SULT2B1: variants seen among roughly 807,000 people sequenced by gnomAD.
The protein encoded by SULT2B1 is sulfotransferase family 2B member 1, also known as sulfotransferase 2B1.
Under a neutral mutation model 33.2 loss-of-function variants are expected in SULT2B1, and 16 were observed. The observed-to-expected ratio is 0.48, with a 90% confidence interval of 0.33 to 0.73. SULT2B1 has a LOEUF of 0.73. SULT2B1 is among the 30% of genes least tolerant of loss of function. The probability of loss-of-function intolerance (pLI) is 0.02; values close to 1 mark genes in which losing one functional copy is unlikely to be tolerated. For synonymous variants in SULT2B1, 186 were observed against 200.5 expected (o/e 0.93, Z 0.61); for missense variants, 500 against 506.0 (o/e 0.99, Z 0.11).
intron 2 of SULT2B1, among the ~76,000 whole-genome samples, chr19:48,583,540 G>A (rs10422717): frequency 0.23 from 34,358 of 152,164 alleles, 5,020 homozygotes; most frequent in African/African-American, 0.42. Context: ...AAATTCGTCC[G>A]GGTGCAGTGG....
chr19:48,591,611 G>T lies in SULT2B1; in HGVS notation c.426G>T (p.Val142=). ...CTCTCCTCACCATCCGCACACAGGT[G>T]ATCTACATGGGCCGCAACCCCCGGG... ...TKAFFSSKAK[V]IYMGRNPRDV... The change falls in exon 4 of 7, where the codon GTG becomes GTT. Residue 142 remains valine, a splice_region_variant and synonymous_variant. Coordinates refer to ENST00000201586, the MANE Select transcript of SULT2B1 (RefSeq NM_177973.2). 6.2e-7 allele frequency: 1 copy of T among 1,611,918 alleles called. No homozygotes were observed. Among genetic ancestry groups the T allele is most frequent in the Non-Finnish European group, 8.5e-7 (1 of 1,178,636 alleles).
intron 5 of SULT2B1, among the ~76,000 whole-genome samples, chr19:48,594,370 G>T (rs1045192257): frequency 1.8e-4 from 27 of 152,308 alleles, no homozygotes; most frequent in African/African-American, 5.8e-4. Flanking sequence ...TTAAGAGAGG[G>T]TTGATAATTT....
Position 48,599,306 on chromosome 19 carries a change from T to A in SULT2B1, c.998T>A (p.Leu333His). ...CCTGAGCCTGAGCCCAAGCCCAGCC[T>A]TGAGCCCAACACCAGCCTGGAGCGT... ...PSPEPEPKPS[L>H]EPNTSLEREP... The change falls in exon 7 of 7, where the codon CTT becomes CAT. Residue 333 changes from leucine to histidine, a missense_variant. Physicochemically the swap from Leu to His is moderately conservative, Grantham distance 99. Transcript: ENST00000201586. The surrounding 1 kb of genome is among the most constrained non-coding windows in gnomAD (Gnocchi z 4.1). 1.2e-6 allele frequency: 2 copies of A among 1,609,066 alleles called. No individual in the cohort carries two copies. The highest frequency in any genetic ancestry group is 8.5e-7 in the Non-Finnish European group (1 of 1,178,010).
chr19:48,562,386 C>CAA (rs752412445), intron 1 of SULT2B1, among the ~76,000 whole-genome samples: 5 of 132,770 alleles, frequency 3.8e-5, no homozygotes, highest in African/African-American at 1.4e-4. Flanking sequence ...AACTCTGTCT[C>CAA]AAAAAAAAAA....
chr19:48,563,332 G>A (rs988433357), intron 1 of SULT2B1, among the ~76,000 whole-genome samples: 5 of 152,180 alleles, frequency 3.3e-5, no homozygotes, highest in South Asian at 2.1e-4. Flanking sequence ...TGAGAACGCC[G>A]GTTCCCACAA....
rs543636984 is a variant in SULT2B1, at chr19:48,552,222, G to T, written c.-31G>T. On this transcript the variant is annotated 5_prime_UTR_variant, in exon 1 of 7. Coordinates refer to ENST00000201586, the MANE Select transcript of SULT2B1 (RefSeq NM_177973.2). This position sits in a 1 kb window ranked among gnomAD's most constrained non-coding sequence, Gnocchi z 4.8. ...CCTCTGTGCCGCCTGCTCCCTGCTC[G>T]TCCTCCCCTCCCCACCCTCACCCAC... 6.2e-7 allele frequency: 1 copy of T among 1,609,968 alleles called. No individual in the cohort carries two copies. Among genetic ancestry groups the T allele is most frequent in the Non-Finnish European group, 8.5e-7 (1 of 1,177,754 alleles).
chr19:48,573,965 A>T lies in SULT2B1; in HGVS notation c.72-1976A>T, dbSNP rs557447809. ...CAGCCTCAAACTCCTGGCTCAATTG[A>T]TCCTCCCGCCTCAGACTCCCAAGTA... is the stretch of plus-strand genomic sequence containing the variant. On this transcript the variant is annotated intron_variant, in intron 1 of 6. Coordinates refer to ENST00000201586, the MANE Select transcript of SULT2B1 (RefSeq NM_177973.2). Among the ~76,000 whole-genome samples the T allele has an allele frequency of 1.5e-3, 229 of 152,066 alleles. 2 individuals carry two copies. Among genetic ancestry groups the T allele is most frequent in the Non-Finnish European group, 1.7e-3 (114 of 67,986 alleles).
intron 1 of SULT2B1, among the ~76,000 whole-genome samples, chr19:48,567,649 C>A (rs1180784268): frequency 6.6e-6 from 1 of 152,010 alleles, no homozygotes; most frequent in Non-Finnish European, 1.5e-5. Flanking sequence ...CTTCCCAGCT[C>A]TCCTGCTAGT....
chr19:48,599,318 C>T lies in SULT2B1; in HGVS notation c.1010C>T (p.Thr337Ile), dbSNP rs780001419. ...CCCAAGCCCAGCCTTGAGCCCAACA[C>T]CAGCCTGGAGCGTGAGCCCAGACCC... ...PEPKPSLEPNTSLEREPRPNS... is the reference protein window; with the variant it reads ...PEPKPSLEPNISLEREPRPNS... The change falls in exon 7 of 7, where the codon ACC (threonine) becomes ATC (isoleucine). Residue 337 changes from threonine (T) to isoleucine (I), a missense_variant. Coordinates refer to ENST00000201586, the MANE Select transcript of SULT2B1 (RefSeq NM_177973.2). This position sits in a 1 kb window ranked among gnomAD's most constrained non-coding sequence, Gnocchi z 4.1. The T allele has an allele frequency of 6.8e-6, 11 of 1,606,510 alleles. 1 individual carries two copies. The highest frequency in any genetic ancestry group is 1.6e-4 in the Middle Eastern group (1 of 6,076).
At chr19:48,559,632 A>G (rs1293578128) in intron 1 of SULT2B1, among the ~76,000 whole-genome samples, 1 of 152,234 alleles carries the variant, frequency 6.6e-6, no homozygotes, top group Admixed American at 6.5e-5. Context: ...TTTGCCACCC[A>G]GAGGGTCTGG....
At chr19:48,554,066 T>C (rs145571527) in intron 1 of SULT2B1, among the ~76,000 whole-genome samples, 2,264 of 152,182 alleles carry the variant, frequency 0.015, 53 homozygotes, top group African/African-American at 0.052. Flanking sequence ...ACTGACCCTC[T>C]GCGAAGCTCG....
intron 2 of SULT2B1, among the ~76,000 whole-genome samples, chr19:48,584,044 G>A (rs1165536894): frequency 6.6e-6 from 1 of 152,038 alleles, no homozygotes; most frequent in Non-Finnish European, 1.5e-5. Flanking sequence ...CCCGGGAGGT[G>A]GAGGTTGCAG....
At chr19:48,593,696 A>G (rs371617386) in intron 5 of SULT2B1, among the ~76,000 whole-genome samples, 265 of 151,218 alleles carry the variant, frequency 1.8e-3, no homozygotes, top group South Asian at 3.4e-3. Flanking sequence ...GTGCAATGGC[A>G]TGATCTCGGC....
intron 2 of SULT2B1, among the ~76,000 whole-genome samples, chr19:48,584,424 A>C (rs888765576): frequency 5.9e-5 from 9 of 152,182 alleles, no homozygotes; most frequent in African/African-American, 2.2e-4. Flanking sequence ...GAGAATCAGG[A>C]AGAGCCCCAT....
At chr19:48,564,582 A>G (rs1973222348) in intron 1 of SULT2B1, among the ~76,000 whole-genome samples, 3 of 151,304 alleles carry the variant, frequency 2.0e-5, no homozygotes, top group South Asian at 4.2e-4. Context: ...AAAAGAAAGA[A>G]AAAAAGAGGA....
In SULT2B1 at chr19:48,552,989, C is replaced by T. The variant is rs535198630; in HGVS notation, c.71+666C>T. On this transcript the variant is annotated intron_variant, in intron 1 of 6. Coordinates refer to ENST00000201586, the MANE Select transcript of SULT2B1 (RefSeq NM_177973.2). This position sits in a 1 kb window ranked among gnomAD's most constrained non-coding sequence, Gnocchi z 4.8. ...AGGGAACGCGACATGACCGCAATTA[C>T]GCAGCTAGAAGCAAATCTGAACCCG... 2.0e-5 allele frequency among the ~76,000 whole-genome samples: 3 copies of T among 152,130 alleles called. No individual in the cohort carries two copies. The highest frequency in any genetic ancestry group is 6.5e-5 in the Admixed American group (1 of 15,270).
At chr19:48,599,425 C>T, downstream of SULT2B1, 1 of 1,547,880 alleles carries the variant, frequency 6.5e-7, no homozygotes, top group Non-Finnish European at 8.7e-7. The surrounding 1 kb of genome is among the most constrained non-coding windows in gnomAD (Gnocchi z 4.1). Context: ...TCGATTCTGT[C>T]CAGGTTCCTT....
chr19:48,588,209 CAAA>C, intron 3 of SULT2B1, among the ~76,000 whole-genome samples: 1 of 116,072 alleles, frequency 8.6e-6, no homozygotes. Context: ...GATTTCATCT[CAAA>C]AAAAAAAAAA....
intron 1 of SULT2B1, among the ~76,000 whole-genome samples, chr19:48,566,019 T>C (rs536532976): frequency 6.6e-6 from 1 of 150,926 alleles, no homozygotes; most frequent in East Asian, 2.0e-4. Flanking sequence ...TTCAAGTGAT[T>C]CTCCCACCTC....
Sources: allele counts gnomAD v4.1 joint callset (sites outside exome capture counted in the v4.1 genomes callset), GRCh38; gene constraint gnomAD v4.1.1; non-coding constraint Gnocchi (gnomAD v3.1); transcripts MANE v1.5; gene names NCBI Gene and HGNC (gene_info 2026-07-23, HGNC 2026-07-21).